The following ASCC3 variants were observed in gnomAD, a reference collection of about 807,000 sequenced individuals.
ASCC3 encodes ASC-1 complex subunit P200.
ASCC3 carries 158 observed loss-of-function variants against 256.3 expected under a neutral mutation model. The observed-to-expected ratio is 0.62, with a 90% CI of 0.54 to 0.70. The LOEUF (loss-of-function observed/expected upper bound fraction) is 0.70, where lower values mean the gene tolerates loss of function less well. Among genes scored for constraint, ASCC3 ranks in the 30% least tolerant of loss-of-function variants. ASCC3 has a pLI of 0.00. For missense variants in ASCC3, 2,259 were observed against 2,626.0 expected (o/e 0.86, Z 3.05); for synonymous variants, 948 against 883.4 (o/e 1.07, Z -1.30).
chr6:100,811,970 T>C (rs963567975), intron 4 of ASCC3, among the ~76,000 whole-genome samples: 4 of 152,108 alleles, frequency 2.6e-5, no homozygotes, highest in African/African-American at 7.2e-5. Context: ...AAGCTTGAGA[T>C]TGATAGTTTC....
intron 34 of ASCC3, among the ~76,000 whole-genome samples, chr6:100,597,969 G>A (rs111734979): frequency 3.0e-3 from 285 of 96,118 alleles, no homozygotes; most frequent in Non-Finnish European, 4.8e-3. Context: ...GCGAGACTCC[G>A]TCTCAAAAAA....
intron 4 of ASCC3, among the ~76,000 whole-genome samples, chr6:100,843,651 C>A (rs907161832): frequency 6.6e-5 from 10 of 152,048 alleles, no homozygotes; most frequent in Non-Finnish European, 1.5e-4. Flanking sequence ...TTATTAACAT[C>A]TTTTCCATCT....
chr6:100,664,020 T>C (rs1156440543), intron 14 of ASCC3, among the ~76,000 whole-genome samples: 1 of 152,144 alleles, frequency 6.6e-6, no homozygotes, highest in African/African-American at 2.4e-5. Context: ...ATATGTCACC[T>C]GTGTAAGTGC....
rs754283107 is a variant in ASCC3, at chr6:100,571,043, G to A, written c.5550+18591C>T. 1.1e-4 allele frequency among the ~76,000 whole-genome samples: 16 copies of A among 151,938 alleles called. 1 individual carries two copies. The highest frequency in any genetic ancestry group is 2.4e-4 in the African/African-American group (10 of 41,344). On this transcript the variant is annotated intron_variant, in intron 36 of 41. Coordinates refer to ENST00000369162, the MANE Select transcript of ASCC3 (RefSeq NM_006828.4). ...TATCAGTAACATCACATCACTCATC[G>A]GATCAAAATCCCACCAATGGCTCCT...
In ASCC3 at chr6:100,539,630, C is replaced by A. The variant is rs370135214; in HGVS notation, c.5775+533G>T. On this transcript the variant is annotated intron_variant, in intron 37 of 41. Coordinates refer to ENST00000369162, the MANE Select transcript of ASCC3 (RefSeq NM_006828.4). ...TTTCTTAGTGTTTGAATACACACCT[C>A]CAGAGACCCTACGGTTCACTCTCTT... is the stretch of plus-strand genomic sequence containing the variant. 4.6e-5 allele frequency among the ~76,000 whole-genome samples: 7 copies of A among 152,210 alleles called. No homozygotes were observed. The South Asian group carries it at 8.3e-4, about 18-fold the overall frequency.
chr6:100,835,119 T>G (rs905729754), intron 4 of ASCC3, among the ~76,000 whole-genome samples: 1 of 152,044 alleles, frequency 6.6e-6, no homozygotes, highest in Non-Finnish European at 1.5e-5. Flanking sequence ...TCTTACCAAT[T>G]GAAGAAAACC....
At chr6:100,874,951 G>A (rs1773926277) in intron 1 of ASCC3, among the ~76,000 whole-genome samples, 1 of 152,178 alleles carries the variant, frequency 6.6e-6, no homozygotes, top group East Asian at 1.9e-4. Context: ...GGAAACTGAT[G>A]AAATAAGACC....
chr6:100,693,146 T>C (rs761229353), intron 13 of ASCC3, among the ~76,000 whole-genome samples: 56 of 152,078 alleles, frequency 3.7e-4, no homozygotes, highest in Non-Finnish European at 4.9e-4. Context: ...TATATCACAT[T>C]TGATTATAAG....
intron 36 of ASCC3, among the ~76,000 whole-genome samples, chr6:100,581,049 C>T (rs1231656872): frequency 1.3e-5 from 2 of 152,062 alleles, no homozygotes; most frequent in Non-Finnish European, 2.9e-5. Context: ...CATACGTGTG[C>T]ATGTGTCTTT....
intron 4 of ASCC3, among the ~76,000 whole-genome samples, chr6:100,811,305 GA>G (rs755900536): frequency 6.6e-6 from 1 of 151,458 alleles, no homozygotes; most frequent in South Asian, 2.1e-4. Flanking sequence ...ATCAAATATA[GA>G]AAAAAAACAC....
intron 30 of ASCC3, 77 bp downstream of exon 30, chr6:100,625,115 A>T (rs1168634997): frequency 1.3e-6 from 2 of 1,543,706 alleles, no homozygotes; most frequent in African/African-American, 2.7e-5. Flanking sequence ...CTATAATACA[A>T]TTACATATGT....
chr6:100,609,092 A>G (rs1444380003), intron 30 of ASCC3, among the ~76,000 whole-genome samples: 1 of 151,500 alleles, frequency 6.6e-6, no homozygotes, highest in Non-Finnish European at 1.5e-5. Context: ...CCAGTTTTTT[A>G]TTTGCACTTT....
At chr6:100,698,707 T>C (rs999424087) in intron 13 of ASCC3, among the ~76,000 whole-genome samples, 1 of 152,140 alleles carries the variant, frequency 6.6e-6, no homozygotes, top group Non-Finnish European at 1.5e-5. Flanking sequence ...CTGACATTCT[T>C]TCATTGATCT....
At chr6:100,820,970 T>A (rs1343797315) in intron 4 of ASCC3, among the ~76,000 whole-genome samples, 1 of 152,104 alleles carries the variant, frequency 6.6e-6, no homozygotes, top group African/African-American at 2.4e-5. Flanking sequence ...AATAGCAAGT[T>A]TTGGCAAGGA....
chr6:100,638,639 C>G lies in ASCC3; in HGVS notation c.4084G>C (p.Ala1362Pro). 6.2e-7 allele frequency: 1 copy of G among 1,613,944 alleles called. No individual in the cohort carries two copies. Among genetic ancestry groups the G allele is most frequent in the Non-Finnish European group, 8.5e-7 (1 of 1,179,884 alleles). ...TATTTGTTGAAGACTCTGAAAATGG[C>G]TAATTCAGCTGCAACAGTCTTTCCC... ...GSGKTVAAEL[A>P]IFRVFNKYPT... Residue 1362 changes from alanine to proline, a missense_variant, in exon 25 of 42, where the codon GCC becomes CCC. Around this residue, in one of 2 missense-constraint regions of ASCC3, gnomAD observed 1,839 missense variants for 2,206.7 expected, o/e 0.83. Coordinates refer to ENST00000369162, the MANE Select transcript of ASCC3 (RefSeq NM_006828.4).
At chr6:100,796,242 T>G (rs529862808) in intron 8 of ASCC3, among the ~76,000 whole-genome samples, 1 of 152,300 alleles carries the variant, frequency 6.6e-6, no homozygotes, top group East Asian at 1.9e-4. Context: ...GAATTGCTCA[T>G]GGCTGTGTTA....
At chr6:100,836,470 A>C (rs967166722) in intron 4 of ASCC3, among the ~76,000 whole-genome samples, 5 of 152,174 alleles carry the variant, frequency 3.3e-5, no homozygotes, top group East Asian at 1.9e-4. Flanking sequence ...AATTTTGCCA[A>C]GTGATTTTTC....
chr6:100,527,752 T>C (rs1329529343), intron 37 of ASCC3, among the ~76,000 whole-genome samples: 2 of 152,134 alleles, frequency 1.3e-5, no homozygotes, highest in African/African-American at 4.8e-5. Flanking sequence ...CACATCGTTA[T>C]ATCTTCTTTT....
intron 8 of ASCC3, among the ~76,000 whole-genome samples, chr6:100,780,972 A>T (rs1302007786): frequency 6.6e-6 from 1 of 152,222 alleles, no homozygotes; most frequent in East Asian, 1.9e-4. Context: ...GCTAAACAAG[A>T]AATATAAGAA....
Sources: allele counts gnomAD v4.1 joint callset (sites outside exome capture counted in the v4.1 genomes callset), GRCh38; gene constraint gnomAD v4.1.1; regional missense constraint gnomAD v4.1.1; transcripts MANE v1.5; gene names NCBI Gene and HGNC (gene_info 2026-07-23, HGNC 2026-07-21).